ZNF678: variants seen among roughly 807,000 people sequenced by gnomAD.
The protein encoded by ZNF678 is hypothetical protein MGC42493.
In ZNF678, 5 loss-of-function variants were observed where a neutral mutation model predicts 3.0. That is an observed-to-expected ratio of 1.69 (90% CI 0.88 to 3.56). The LOEUF is 3.56. ZNF678 is among the 30% of genes most tolerant of loss of function. ZNF678 has a pLI of 0.00. For missense variants in ZNF678, 593 were observed against 605.0 expected (o/e 0.98, Z 0.21); for synonymous variants, 218 against 199.6 (o/e 1.09, Z -0.78).
chr1:227,633,986 G>A (rs1024439469), intron 1 of ZNF678, among the ~76,000 whole-genome samples: 2 of 152,204 alleles, frequency 1.3e-5, no homozygotes, highest in African/African-American at 4.8e-5. Flanking sequence ...TTGAGGTGAG[G>A]AGAAGGAAGA....
At chr1:227,670,241 T>C (rs531168726) in intron 5 of ZNF678, among the ~76,000 whole-genome samples, 2 of 152,320 alleles carry the variant, frequency 1.3e-5, no homozygotes, top group Admixed American at 6.5e-5. Flanking sequence ...AAAATACCCA[T>C]GTAACAGTCC....
intron 1 of ZNF678, among the ~76,000 whole-genome samples, chr1:227,637,308 T>C (rs1056648348): frequency 1.2e-4 from 18 of 152,116 alleles, no homozygotes; most frequent in African/African-American, 4.1e-4. Flanking sequence ...GAGAATACAG[T>C]TGGAGGAGCC....
In ZNF678 at chr1:227,638,201, A is replaced by C. The variant is rs1658729818; in HGVS notation, c.-163-8343A>C. On this transcript the variant is annotated intron_variant, in intron 1 of 3. Coordinates refer to ENST00000343776, the MANE Select transcript of ZNF678 (RefSeq NM_001367909.1). The surrounding 1 kb of genome is among the most constrained non-coding windows in gnomAD (Gnocchi z 4.2). ...AAGTAAAGGCAAAGAGGTTTGGGGAATTAGAGTGTAAAGGAATTGTGAAAA... is the reference window on the plus strand; with the variant it reads ...AAGTAAAGGCAAAGAGGTTTGGGGACTTAGAGTGTAAAGGAATTGTGAAAA... Among the ~76,000 whole-genome samples, 1 of 152,146 alleles carries C rather than the reference A, an allele frequency of 6.6e-6. No homozygotes were observed. The highest frequency in any genetic ancestry group is 1.5e-5 in the Non-Finnish European group (1 of 68,026).
intron 1 of ZNF678, among the ~76,000 whole-genome samples, chr1:227,643,558 C>G (rs1658874698): frequency 6.6e-6 from 1 of 152,168 alleles, no homozygotes; most frequent in Non-Finnish European, 1.5e-5. Context: ...AGTAGCTGCT[C>G]TTGCTGCCTC....
intron 1 of ZNF678, among the ~76,000 whole-genome samples, chr1:227,643,475 G>A (rs28446171): frequency 0.22 from 32,955 of 151,822 alleles, 3,983 homozygotes; most frequent in African/African-American, 0.32. Context: ...CACCCTCTTC[G>A]AAACCTTGTC....
chr1:227,565,646 A>T (rs1054556072), intron 1 of ZNF678, among the ~76,000 whole-genome samples: 2 of 152,210 alleles, frequency 1.3e-5, no homozygotes, highest in African/African-American at 4.8e-5. Context: ...CTCTATTGTA[A>T]AGAAATATTT....
At chr1:227,609,884 C>T (rs368033581) in intron 1 of ZNF678, among the ~76,000 whole-genome samples, 31 of 152,190 alleles carry the variant, frequency 2.0e-4, no homozygotes, top group East Asian at 7.8e-4. Flanking sequence ...CAGGCGCGTG[C>T]CACCACGCCC....
chr1:227,596,421 T>C (rs1185433339), intron 1 of ZNF678, among the ~76,000 whole-genome samples: 4 of 152,166 alleles, frequency 2.6e-5, no homozygotes, highest in Non-Finnish European at 5.9e-5. Context: ...TCACCAGTAA[T>C]CAGAACGAAA....
intron 1 of ZNF678, among the ~76,000 whole-genome samples, chr1:227,642,326 A>G (rs1571908365): frequency 6.6e-6 from 1 of 152,216 alleles, no homozygotes; most frequent in Non-Finnish European, 1.5e-5. Context: ...GAATAGCAAA[A>G]GGTAGAGCAC....
intron 1 of ZNF678, among the ~76,000 whole-genome samples, chr1:227,565,556 G>T (rs1407323768): frequency 6.6e-6 from 1 of 152,030 alleles, no homozygotes; most frequent in Non-Finnish European, 1.5e-5. Flanking sequence ...TAGAGATTGG[G>T]TTTCGCTAGT....
intron 1 of ZNF678, among the ~76,000 whole-genome samples, chr1:227,589,314 T>C (rs1180115172): frequency 6.6e-6 from 1 of 151,812 alleles, no homozygotes; most frequent in Non-Finnish European, 1.5e-5. Flanking sequence ...CTTGAGTTAA[T>C]TTTTGTGTAT....
intron 1 of ZNF678, among the ~76,000 whole-genome samples, chr1:227,606,499 G>T (rs556435237): frequency 6.6e-6 from 1 of 152,212 alleles, no homozygotes; most frequent in Non-Finnish European, 1.5e-5. Flanking sequence ...GCTTTACACG[G>T]AGACATTCCA....
intron 1 of ZNF678, among the ~76,000 whole-genome samples, chr1:227,622,374 A>G (rs1658302151): frequency 6.6e-6 from 1 of 152,198 alleles, no homozygotes; most frequent in East Asian, 1.9e-4. Flanking sequence ...CATACTTTAC[A>G]TGTATTGATT....
chr1:227,652,547 G>C (rs1173430375), intron 3 of ZNF678, among the ~76,000 whole-genome samples: 1 of 152,000 alleles, frequency 6.6e-6, no homozygotes, highest in Non-Finnish European at 1.5e-5. Flanking sequence ...GTGTGTTTAT[G>C]TGTACTCTGT....
chr1:227,580,745 C>CT (rs1227479986), intron 1 of ZNF678, among the ~76,000 whole-genome samples: 25 of 152,162 alleles, frequency 1.6e-4, no homozygotes, highest in Admixed American at 1.4e-3. Context: ...GCCTGACCAA[C>CT]TACTAAAAAT....
intron 1 of ZNF678, among the ~76,000 whole-genome samples, chr1:227,592,816 G>C (rs1173227991): frequency 6.6e-6 from 1 of 152,226 alleles, no homozygotes; most frequent in African/African-American, 2.4e-5. Flanking sequence ...CAGGGTGAAA[G>C]GGATAGCCAA....
At chr1:227,630,496 T>C (rs375594697) in intron 1 of ZNF678, among the ~76,000 whole-genome samples, 1 of 152,244 alleles carries the variant, frequency 6.6e-6, no homozygotes, top group Non-Finnish European at 1.5e-5. Context: ...GGGGTTAGCA[T>C]CTGATCTAGC....
chr1:227,623,544 A>G (rs542921688), intron 1 of ZNF678, among the ~76,000 whole-genome samples: 2 of 152,290 alleles, frequency 1.3e-5, no homozygotes, highest in South Asian at 2.1e-4. Flanking sequence ...AATTTTTTTT[A>G]TCCTTCCTTT....
chr1:227,651,826 A>G (rs1404131334), intron 3 of ZNF678, among the ~76,000 whole-genome samples: 1 of 152,002 alleles, frequency 6.6e-6, no homozygotes, highest in Non-Finnish European at 1.5e-5. Context: ...CTTCTGCCTC[A>G]CCCTCTCAAA....
Sources: gnomAD v4.1 joint callset for allele counts (sites outside exome capture counted in the v4.1 genomes callset) on GRCh38, gnomAD v4.1.1 for gene constraint, Gnocchi (gnomAD v3.1) non-coding constraint, MANE v1.5 for transcripts, NCBI Gene and HGNC (gene_info 2026-07-23, HGNC 2026-07-21) for gene names.